GNA12: variants seen among roughly 807,000 people sequenced by gnomAD.
The protein encoded by GNA12 is guanine nucleotide-binding protein subunit alpha-12.
GNA12 carries 9 observed loss-of-function variants against 26.0 expected under a neutral mutation model. The ratio of observed to expected loss-of-function variants is 0.35; its 90% CI spans 0.21 to 0.60. GNA12 has a LOEUF of 0.60. Among genes scored for constraint, GNA12 ranks in the 20% least tolerant of loss-of-function variants. The probability of loss-of-function intolerance (pLI) is 0.78; values close to 1 mark genes in which losing one functional copy is unlikely to be tolerated. For missense variants in GNA12, 405 were observed against 525.8 expected, an observed-to-expected ratio of 0.77 and a Z score of 2.25; for synonymous variants, 264 against 219.6, an observed-to-expected ratio of 1.20 and a Z score of -1.79.
chr7:2,759,842 G>A (rs1040501288), intron 2 of GNA12, among the ~76,000 whole-genome samples: 4 of 152,034 alleles, frequency 2.6e-5, no homozygotes, highest in South Asian at 2.1e-4. Context: ...TGCAGATGCC[G>A]TCCAATGCGA....
At chr7:2,787,664 G>A (rs1320664781) in intron 2 of GNA12, among the ~76,000 whole-genome samples, 2 of 152,266 alleles carry the variant, frequency 1.3e-5, no homozygotes, top group Non-Finnish European at 1.5e-5. Flanking sequence ...CGCTTCCGTT[G>A]TGGGTCCACG....
chr7:2,779,428 T>G (rs185472492), intron 2 of GNA12, among the ~76,000 whole-genome samples: 1 of 152,044 alleles, frequency 6.6e-6, no homozygotes, highest in Non-Finnish European at 1.5e-5. Context: ...GAGAATTGCT[T>G]GAACCTGCGA....
At chr7:2,772,659 A>T (rs575942645) in intron 2 of GNA12, among the ~76,000 whole-genome samples, 1 of 152,204 alleles carries the variant, frequency 6.6e-6, no homozygotes, top group South Asian at 2.1e-4. Flanking sequence ...CAGGAGGCTT[A>T]AAATCAAGAG....
At chr7:2,746,307 A>C (rs1471286449) in intron 2 of GNA12, among the ~76,000 whole-genome samples, 2 of 152,228 alleles carry the variant, frequency 1.3e-5, no homozygotes, top group Non-Finnish European at 2.9e-5. Flanking sequence ...AAAGAACAGA[A>C]ATTATAACAA....
chr7:2,757,581 C>T (rs372886188), intron 2 of GNA12, among the ~76,000 whole-genome samples: 6 of 152,196 alleles, frequency 3.9e-5, no homozygotes, highest in East Asian at 1.9e-4. Flanking sequence ...TGCGAGGTTC[C>T]GAGCAGAGCA....
At chr7:2,814,635 CTTTTTT>C (rs35209860) in intron 1 of GNA12, among the ~76,000 whole-genome samples, 1 of 133,708 alleles carries the variant, frequency 7.5e-6, no homozygotes. Context: ...CTTTTCCTGC[CTTTTTT>C]TTTTTTTTTT....
intron 2 of GNA12, among the ~76,000 whole-genome samples, chr7:2,792,251 G>A (rs1252954962): frequency 2.0e-5 from 3 of 152,244 alleles, no homozygotes; most frequent in African/African-American, 7.2e-5. Context: ...ATGAATGAGT[G>A]AAGAAGGGGA....
At chr7:2,787,911 T>C (rs1164289183) in intron 2 of GNA12, among the ~76,000 whole-genome samples, 1 of 152,150 alleles carries the variant, frequency 6.6e-6, no homozygotes, top group Non-Finnish European at 1.5e-5. Context: ...TCCCAGAGCT[T>C]TGGAAGCCAA....
chr7:2,754,549 C>T (rs773526615), intron 2 of GNA12, among the ~76,000 whole-genome samples: 3 of 150,958 alleles, frequency 2.0e-5, no homozygotes, highest in Non-Finnish European at 4.4e-5. Flanking sequence ...TCGAAACCAA[C>T]CTGGGCAACA....
At chr7:2,749,939 G>T (rs899386291) in intron 2 of GNA12, among the ~76,000 whole-genome samples, 10 of 152,180 alleles carry the variant, frequency 6.6e-5, no homozygotes, top group Admixed American at 5.9e-4. Context: ...TACACAAGTA[G>T]TTGGAATCTC....
intron 2 of GNA12, among the ~76,000 whole-genome samples, chr7:2,772,982 A>G (rs548027905): frequency 1.3e-5 from 2 of 152,384 alleles, no homozygotes; most frequent in South Asian, 2.1e-4. Context: ...CCACGTAGCA[A>G]CACAGATGAA....
chr7:2,797,037 T>C (rs1765610415), intron 1 of GNA12, among the ~76,000 whole-genome samples: 1 of 152,210 alleles, frequency 6.6e-6, no homozygotes, highest in South Asian at 2.1e-4. Context: ...TCTGTCCATC[T>C]GGAAAAGCCT....
At chr7:2,783,943 C>T (rs1792298000) in intron 2 of GNA12, among the ~76,000 whole-genome samples, 1 of 152,022 alleles carries the variant, frequency 6.6e-6, no homozygotes, top group Admixed American at 6.6e-5. Context: ...CCTCAGCCTC[C>T]CAAAGTGCTG....
At chr7:2,801,397 G>A (rs1792805610) in intron 1 of GNA12, among the ~76,000 whole-genome samples, 1 of 152,138 alleles carries the variant, frequency 6.6e-6, no homozygotes, top group Non-Finnish European at 1.5e-5. Flanking sequence ...GGTCACTTAC[G>A]AAGACTGCAG....
intron 1 of GNA12, among the ~76,000 whole-genome samples, chr7:2,823,809 T>G (rs2158694): frequency 0.25 from 37,907 of 152,100 alleles, 5,246 homozygotes; most frequent in Non-Finnish European, 0.29. Context: ...AGAATAAAGA[T>G]CATGCAGTAA....
chr7:2,731,663 G>A lies in GNA12; in HGVS notation c.664C>T (p.Pro222Ser), dbSNP rs375880168. 2 of 1,610,896 alleles carry A rather than the reference G, an allele frequency of 1.2e-6. No homozygotes were observed. Among genetic ancestry groups the A allele is most frequent in the African/African-American group, 1.3e-5 (1 of 74,902 alleles). Residue 222 changes from proline to serine, a missense_variant, in exon 4 of 4, where the codon CCC becomes TCC. Coordinates refer to ENST00000275364, the MANE Select transcript of GNA12 (RefSeq NM_007353.3). This position sits in a 1 kb window ranked among gnomAD's most constrained non-coding sequence, Gnocchi z 6.0. ...CCGCCCACATCCACCATCTTAAAGGGGATCTTCTTAATAACGAAGTCATGC... is the reference window on the plus strand; with the variant it reads ...CCGCCCACATCCACCATCTTAAAGGAGATCTTCTTAATAACGAAGTCATGC... ...VEHDFVIKKI[P>S]FKMVDVGGQR...
At position 2,731,456 on chromosome 7, in the gene GNA12, T is replaced by C. The variant is rs1789889974; in HGVS notation, c.871A>G (p.Ile291Val). The C allele has an allele frequency of 1.2e-6, 2 of 1,613,930 alleles. No homozygotes were observed. Among genetic ancestry groups the C allele is most frequent in the Non-Finnish European group, 1.7e-6 (2 of 1,179,916 alleles). ...VNNKLFFNVSIILFLNKMDLL... is the reference protein window; with the variant it reads ...VNNKLFFNVSVILFLNKMDLL... ...TCCATCTTGTTGAGGAAGAGAATGA[T>C]GGAGACGTTGAAGAAGAGCTTGTTG... The change falls in exon 4 of 4, where the codon ATC becomes GTC. Residue 291 changes from isoleucine to valine, a missense_variant. Ile to Val is a conservative substitution (Grantham distance 29). Coordinates refer to ENST00000275364, the MANE Select transcript of GNA12 (RefSeq NM_007353.3). The surrounding 1 kb of genome is among the most constrained non-coding windows in gnomAD (Gnocchi z 6.0).
At chr7:2,736,490 C>T (rs1431699856) in intron 2 of GNA12, among the ~76,000 whole-genome samples, 2 of 152,208 alleles carry the variant, frequency 1.3e-5, no homozygotes, top group Non-Finnish European at 2.9e-5. Context: ...TCACGAGCAA[C>T]AGAAGGGATG....
At chr7:2,736,121 T>C (rs1289021663) in intron 2 of GNA12, among the ~76,000 whole-genome samples, 2 of 152,158 alleles carry the variant, frequency 1.3e-5, no homozygotes, top group Non-Finnish European at 2.9e-5. Flanking sequence ...CCCATGCATT[T>C]TCAACACTAA....
Sources: allele counts gnomAD v4.1 joint callset (sites outside exome capture counted in the v4.1 genomes callset), GRCh38; gene constraint gnomAD v4.1.1; non-coding constraint Gnocchi (gnomAD v3.1); transcripts MANE v1.5; gene names NCBI Gene and HGNC (gene_info 2026-07-23, HGNC 2026-07-21).